Variants in TRIM24 observed in about 807,000 individuals in gnomAD.
TRIM24 encodes the protein transcription intermediary factor 1-alpha.
A neutral mutation model predicts 123.9 loss-of-function variants in TRIM24; 29 were observed. That is an observed-to-expected ratio of 0.23 (90% confidence interval 0.17 to 0.32). The LOEUF (loss-of-function observed/expected upper bound fraction) is 0.32, where lower values mean the gene tolerates loss of function less well. TRIM24 is among the 10% of genes least tolerant of loss of function. The pLI is 1.00. For missense variants in TRIM24, 932 were observed against 1,295.3 expected, an observed-to-expected ratio of 0.72 and a Z score of 4.31; for synonymous variants, 456 against 461.1, an observed-to-expected ratio of 0.99 and a Z score of 0.14.
intron 16 of TRIM24, among the ~76,000 whole-genome samples, chr7:138,581,432 C>G (rs1584751033): frequency 2.0e-5 from 3 of 152,308 alleles, no homozygotes; most frequent in South Asian, 2.1e-4. Flanking sequence ...ATTTATAATA[C>G]ACAGACTGGA....
chr7:138,522,911 A>G (rs1796533392), intron 4 of TRIM24, among the ~76,000 whole-genome samples: 2 of 152,226 alleles, frequency 1.3e-5, no homozygotes, highest in Admixed American at 1.3e-4. Context: ...AGTGAAAAAC[A>G]TCAGTCAATC....
chr7:138,534,012 T>A (rs935167384), intron 6 of TRIM24, among the ~76,000 whole-genome samples: 2 of 152,216 alleles, frequency 1.3e-5, no homozygotes, highest in African/African-American at 2.4e-5. Flanking sequence ...TAGAGGTGTT[T>A]ATAGTATTCT....
chr7:138,517,461 C>T (rs1796424485), intron 3 of TRIM24, among the ~76,000 whole-genome samples: 1 of 152,046 alleles, frequency 6.6e-6, no homozygotes, highest in Non-Finnish European at 1.5e-5. Flanking sequence ...AGCGCCACCT[C>T]CTGGGTTCAA....
intron 17 of TRIM24, among the ~76,000 whole-genome samples, chr7:138,583,476 C>T (rs1165061878): frequency 6.6e-6 from 1 of 152,010 alleles, no homozygotes; most frequent in Non-Finnish European, 1.5e-5. Context: ...AAAAATTAGC[C>T]GGCTATGTTA....
In TRIM24 at chr7:138,508,722, T is replaced by TGTGTGTGTGTGTGC. The variant is rs1554436724; in HGVS notation, c.483+4327_483+4328insCGTGTGTGTGTGTG. Among the ~76,000 whole-genome samples, 109 of 124,312 alleles carry TGTGTGTGTGTGTGC rather than the reference T, an allele frequency of 8.8e-4. 1 individual carries two copies. Among genetic ancestry groups the TGTGTGTGTGTGTGC allele is most frequent in the African/African-American group, 2.9e-3 (101 of 34,726 alleles). The allele number at this position is 124,312 out of a possible 152,430, so 81.6% of individuals were successfully genotyped here. A position where few individuals can be genotyped will look rare whatever the true frequency, so the allele number is the denominator to read the frequency against. On this transcript the variant is annotated intron_variant, in intron 2 of 18. Coordinates refer to ENST00000343526, the MANE Select transcript of TRIM24 (RefSeq NM_015905.3). ...GCGCGTGTGTGCGTGTGTGTGTGCG[T>TGTGTGTGTGTGTGC]GTGTGTGTGTGTGTGTGTGTGTGTC...
intron 2 of TRIM24, 50 bp downstream of exon 2, chr7:138,504,458 T>TTTTTTC: frequency 8.6e-7 from 1 of 1,156,230 alleles, no homozygotes; most frequent in Non-Finnish European, 1.2e-6. Context: ...TTTTTTTTTT[T>TTTTTTC]TTTTTTTTTT....
intron 1 of TRIM24, among the ~76,000 whole-genome samples, chr7:138,486,982 C>T (rs1302207619): frequency 6.6e-6 from 1 of 152,132 alleles, no homozygotes; most frequent in Non-Finnish European, 1.5e-5. Context: ...CTGGAATGTT[C>T]TTCCATTTGT....
intron 1 of TRIM24, chr7:138,461,119 G>A: frequency 1.4e-6 from 1 of 713,354 alleles, no homozygotes; most frequent in Non-Finnish European, 2.5e-6. Context: ...TTCCCCGGGC[G>A]CTGTGGACTT....
chr7:138,508,696 C>CGT (rs1222814381), intron 2 of TRIM24, among the ~76,000 whole-genome samples: 7 of 33,434 alleles, frequency 2.1e-4, no homozygotes, highest in Admixed American at 7.3e-4. Context: ...TGTGTGTGCG[C>CGT]GCGCGTGTGT....
At chr7:138,484,506 T>G (rs1027261747) in intron 1 of TRIM24, among the ~76,000 whole-genome samples, 3 of 152,080 alleles carry the variant, frequency 2.0e-5, no homozygotes, top group Non-Finnish European at 4.4e-5. Context: ...AGAATTGATT[T>G]TCTAATAGTA....
chr7:138,586,167 G>A lies in TRIM24; in HGVS notation c.*1216G>A, dbSNP rs535899466. ...TATTCTTAATGTGCCAGACCTACCC[G>A]GTTCAGCTGATATAGATAGATAGAT... On this transcript the variant is annotated 3_prime_UTR_variant, in exon 19 of 19. Transcript: ENST00000343526. 7.0e-5 allele frequency: 22 copies of A among 314,524 alleles called. No homozygotes were observed. The highest frequency in any genetic ancestry group is 4.5e-4 in the South Asian group (16 of 35,200). 19.5% of individuals were successfully genotyped at this position (314,524 alleles called of 1,614,324 possible).
rs1798047681 is a variant in TRIM24 at position 138,588,040 on chromosome 7, A to G, written c.*3089A>G. 1 of 152,228 alleles carries G rather than the reference A, an allele frequency of 6.6e-6. No homozygotes were observed. The highest frequency in any genetic ancestry group is 2.1e-4 in the South Asian group (1 of 4,834). 9.4% of individuals were successfully genotyped at this position (152,228 alleles called of 1,614,324 possible). A position where few individuals can be genotyped will look rare whatever the true frequency, so the allele number is the denominator to read the frequency against. ...TTTTCTAAGCTAAAGAACTGGCTTT[A>G]CTACTGCTATATTTTACTACCACAT... On this transcript the variant is annotated 3_prime_UTR_variant, in exon 19 of 19. Transcript: ENST00000343526.
At chr7:138,486,862 C>A (rs903167690) in intron 1 of TRIM24, among the ~76,000 whole-genome samples, 1 of 152,060 alleles carries the variant, frequency 6.6e-6, no homozygotes, top group African/African-American at 2.4e-5. Context: ...AGTTTTTTTC[C>A]AGTTCTGTGA....
chr7:138,583,807 G>A, intron 17 of TRIM24, 43 bp from the exon 18 acceptor site: 4 of 1,334,580 alleles, frequency 3.0e-6, no homozygotes, highest in Non-Finnish European at 4.2e-6. Flanking sequence ...AGGACAAGGT[G>A]GAATTTAGCT....
chr7:138,527,149 T>G (rs1796627429), intron 5 of TRIM24, among the ~76,000 whole-genome samples: 1 of 152,174 alleles, frequency 6.6e-6, no homozygotes, highest in Non-Finnish European at 1.5e-5. Flanking sequence ...ATGTGTGGGA[T>G]TATTCTGTTC....
intron 5 of TRIM24, 108 bp downstream of exon 5, chr7:138,525,465 C>T: frequency 4.0e-6 from 2 of 495,216 alleles, no homozygotes; most frequent in Non-Finnish European, 6.9e-6. Context: ...TAGATGACTG[C>T]AATAACACAT....
chr7:138,486,657 T>G (rs909282720), intron 1 of TRIM24, among the ~76,000 whole-genome samples: 2 of 152,218 alleles, frequency 1.3e-5, no homozygotes, highest in Admixed American at 1.3e-4. Context: ...AGATGTCTGA[T>G]GTTATTTCTG....
At chr7:138,530,465 T>C (rs372518242) in intron 6 of TRIM24, among the ~76,000 whole-genome samples, 1 of 152,068 alleles carries the variant, frequency 6.6e-6, no homozygotes. Context: ...ATTCTTAAAA[T>C]TAAAAAAAAA....
At chr7:138,574,347 C>T (rs1447664004) in intron 12 of TRIM24, among the ~76,000 whole-genome samples, 4 of 152,106 alleles carry the variant, frequency 2.6e-5, no homozygotes, top group Admixed American at 6.5e-5. Flanking sequence ...GTACCTTAAA[C>T]CAAAATATGA....
Sources: gnomAD v4.1 joint callset for allele counts (sites outside exome capture counted in the v4.1 genomes callset) on GRCh38, gnomAD v4.1.1 for gene constraint, MANE v1.5 for transcripts, NCBI Gene and HGNC (gene_info 2026-07-23, HGNC 2026-07-21) for gene names.